The following UBR1 variants were observed in gnomAD, a reference collection of about 807,000 sequenced individuals.
The protein encoded by UBR1 is E3 ubiquitin-protein ligase UBR1.
In UBR1, 102 loss-of-function variants were observed where a neutral mutation model predicts 242.1. The observed-to-expected ratio is 0.42, with a 90% CI of 0.36 to 0.50. UBR1 has a LOEUF of 0.50. Ranked by LOEUF, UBR1 falls within the 20% of genes least tolerant of loss-of-function variation. The probability of loss-of-function intolerance (pLI) is 0.01; values close to 1 mark genes in which losing one functional copy is unlikely to be tolerated. For missense variants in UBR1, 1,772 were observed against 2,101.8 expected (o/e 0.84, Z 3.07); for synonymous variants, 675 against 684.8 (o/e 0.99, Z 0.22).
Position 43,024,880 on chromosome 15 carries a change from C to G in UBR1, c.2688G>C (p.Glu896Asp). 1 of 1,614,156 alleles carries G rather than the reference C, an allele frequency of 6.2e-7. No homozygotes were observed. The highest frequency in any genetic ancestry group is 1.3e-5 in the African/African-American group (1 of 75,038). ...AGTTAGAATCTGTGTCTATTGCCCG[C>G]TCAAATACGGTCCTGAGAATGTACA... ...IMMYILRTVF[E>D]RAIDTDSNLW... Residue 896 changes from glutamate to aspartate, a missense_variant, in exon 25 of 47, where the codon GAG becomes GAC. Coordinates refer to ENST00000290650, the MANE Select transcript of UBR1 (RefSeq NM_174916.3).
chr15:43,036,311 T>C (rs2033334126), intron 18 of UBR1, 32 bp from the exon 19 acceptor site: 1 of 1,565,666 alleles, frequency 6.4e-7, no homozygotes, highest in African/African-American at 1.4e-5. Flanking sequence ...ATATTTCTTC[T>C]GTATTATATG....
At chr15:42,971,152 ATACT>A (rs1257781037) in intron 39 of UBR1, among the ~76,000 whole-genome samples, 4 of 152,228 alleles carry the variant, frequency 2.6e-5, no homozygotes, top group African/African-American at 9.6e-5. Context: ...AAACATGTAA[ATACT>A]TACTTCATCA....
chr15:43,075,289 G>A (rs1271283458), intron 3 of UBR1, among the ~76,000 whole-genome samples, 200 bp from the exon 4 acceptor site: 2 of 152,094 alleles, frequency 1.3e-5, no homozygotes, highest in East Asian at 3.8e-4. Context: ...TCCAAATTCT[G>A]AATACTTCAT....
chr15:43,097,642 A>C (rs1418292349), intron 1 of UBR1, among the ~76,000 whole-genome samples: 1 of 152,244 alleles, frequency 6.6e-6, no homozygotes, highest in East Asian at 1.9e-4. Flanking sequence ...TTCACGCTGC[A>C]CTTTTATGTT....
At chr15:43,005,663 G>A (rs1364507435) in intron 30 of UBR1, among the ~76,000 whole-genome samples, 1 of 152,246 alleles carries the variant, frequency 6.6e-6, no homozygotes, top group African/African-American at 2.4e-5. Context: ...GGGAAATGTG[G>A]GGAAATGAGA....
intron 6 of UBR1, 36 bp downstream of exon 6, chr15:43,067,862 G>C: frequency 6.2e-7 from 1 of 1,613,654 alleles, no homozygotes; most frequent in Non-Finnish European, 8.5e-7. Context: ...GAAGCTGACA[G>C]AAAACAGAAA....
intron 44 of UBR1, among the ~76,000 whole-genome samples, chr15:42,955,167 A>G (rs1409175075): frequency 6.6e-6 from 1 of 151,934 alleles, no homozygotes; most frequent in Non-Finnish European, 1.5e-5. Context: ...CTCTGTCTCA[A>G]AAACAAAACA....
intron 37 of UBR1, among the ~76,000 whole-genome samples, chr15:42,981,491 T>A (rs1023903107): frequency 6.7e-6 from 1 of 149,332 alleles, no homozygotes. Context: ...CTTGCCTCAA[T>A]TTTTTTTTTC....
Position 42,983,927 on chromosome 15 carries a change from T to C in UBR1, c.4120A>G (p.Ile1374Val), listed in dbSNP as rs1269984047. ...AQRITCPQVLIQKHLVRLLSV... is the reference protein window; with the variant it reads ...AQRITCPQVLVQKHLVRLLSV... Reference sequence around the variant, plus strand: ...AGAAGACGAACCAGATGTTTCTGTATCAGGACCTGAGGACAGGTAATCCTC... The same window carrying C: ...AGAAGACGAACCAGATGTTTCTGTACCAGGACCTGAGGACAGGTAATCCTC... The change falls in exon 37 of 47, where the codon ATA becomes GTA. Residue 1374 changes from isoleucine to valine, a missense_variant. Ile to Val is a conservative substitution (Grantham distance 29). Coordinates refer to ENST00000290650, the MANE Select transcript of UBR1 (RefSeq NM_174916.3). 1 of 1,613,168 alleles carries C rather than the reference T, an allele frequency of 6.2e-7. No homozygotes were observed. The highest frequency in any genetic ancestry group is 8.5e-7 in the Non-Finnish European group (1 of 1,179,520).
At position 43,038,209 on chromosome 15, in the gene UBR1, G is replaced by A. The variant is rs763520153; in HGVS notation, c.1873C>T (p.Leu625=). 4 of 1,614,014 alleles carry A rather than the reference G, an allele frequency of 2.5e-6. No homozygotes were observed. The highest frequency in any genetic ancestry group is 1.1e-5 in the South Asian group (1 of 91,084). ...TCATGCAGTCTTGAAACAGCACCCAGCCTGCTTAAACGTACATGAAGACCT... is the reference window on the plus strand; with the variant it reads ...TCATGCAGTCTTGAAACAGCACCCAACCTGCTTAAACGTACATGAAGACCT... The part of the protein sequence containing the change: ...LAGLHVRLSR[L]GAVSRLHEFV... Residue 625 remains leucine, a synonymous_variant, in exon 16 of 47, where the codon CTG becomes TTG. Coordinates refer to ENST00000290650, the MANE Select transcript of UBR1 (RefSeq NM_174916.3).
chr15:43,049,569 A>G (rs1485275849), intron 12 of UBR1, among the ~76,000 whole-genome samples: 1 of 152,176 alleles, frequency 6.6e-6, no homozygotes, highest in Non-Finnish European at 1.5e-5. Flanking sequence ...AAAAAGAAGT[A>G]ATGTAGGTAC....
At chr15:43,044,559 C>G (rs2033459787) in intron 14 of UBR1, among the ~76,000 whole-genome samples, 1 of 152,118 alleles carries the variant, frequency 6.6e-6, no homozygotes, top group Admixed American at 6.5e-5. Flanking sequence ...GGAAACATCC[C>G]TCTCAGAAAT....
intron 6 of UBR1, among the ~76,000 whole-genome samples, chr15:43,065,052 TC>T (rs1477771288): frequency 6.6e-6 from 1 of 152,152 alleles, no homozygotes; most frequent in East Asian, 1.9e-4. Flanking sequence ...AAATCTAACA[TC>T]CCAAGTAGAT....
intron 18 of UBR1, 23 bp downstream of exon 18, chr15:43,036,505 T>C: frequency 1.5e-5 from 23 of 1,529,664 alleles, no homozygotes; most frequent in Non-Finnish European, 2.1e-5. Flanking sequence ...GACACAAATA[T>C]CAGAAACAAT....
At chr15:42,998,288 T>G (rs1225822292) in intron 32 of UBR1, 23 bp from the exon 33 acceptor site, 1 of 1,590,484 alleles carries the variant, frequency 6.3e-7, no homozygotes, top group Non-Finnish European at 8.6e-7. Flanking sequence ...ATTTAAAAAT[T>G]ATTACAACCA....
intron 33 of UBR1, among the ~76,000 whole-genome samples, chr15:42,997,064 G>A (rs1028794135): frequency 6.6e-6 from 1 of 152,198 alleles, no homozygotes; most frequent in Non-Finnish European, 1.5e-5. Context: ...GTGAGCAGCA[G>A]GTGAGCAAAG....
intron 12 of UBR1, among the ~76,000 whole-genome samples, chr15:43,053,461 T>G (rs1250852640): frequency 6.6e-6 from 1 of 152,232 alleles, no homozygotes; most frequent in African/African-American, 2.4e-5. Context: ...GTTTTTGTTT[T>G]GTACAACATG....
At chr15:43,033,041 T>C (rs2141313474) in intron 19 of UBR1, among the ~76,000 whole-genome samples, 1 of 152,320 alleles carries the variant, frequency 6.6e-6, no homozygotes, top group Admixed American at 6.5e-5. Flanking sequence ...CAGATACTGA[T>C]TTTCACTAAG....
Position 43,059,173 on chromosome 15 carries a change from A to G in UBR1, c.1005T>C (p.Phe335=). The change falls in exon 9 of 47, where the codon TTT becomes TTC. Residue 335 remains phenylalanine, a synonymous_variant. Transcript: ENST00000290650. ...GTTCTTCTCTAAGGCATGCTTGGCA[A>G]AAGATCTGCCTAAAGTCACCTACAA... The part of the protein sequence containing the change: ...MSYSSDFRQI[F]CQACLREEPD... The G allele has an allele frequency of 6.2e-7, 1 of 1,614,150 alleles. No homozygotes were observed. The highest frequency in any genetic ancestry group is 8.5e-7 in the Non-Finnish European group (1 of 1,180,032).
Sources: allele counts gnomAD v4.1 joint callset (sites outside exome capture counted in the v4.1 genomes callset), GRCh38; gene constraint gnomAD v4.1.1; transcripts MANE v1.5; gene names NCBI Gene and HGNC (gene_info 2026-07-23, HGNC 2026-07-21).